Variants in CCDC93 observed in about 807,000 individuals in gnomAD.
The protein encoded by CCDC93 is CCC complex scaffolding subunit CCDC93, also known as coiled-coil domain-containing protein 93.
Under a neutral mutation model 108.2 loss-of-function variants are expected in CCDC93, and 61 were observed. The ratio of observed to expected loss-of-function variants is 0.56; its 90% CI spans 0.46 to 0.70. CCDC93 has a LOEUF of 0.70. CCDC93 is among the 30% of genes least tolerant of loss of function. The pLI, the probability that CCDC93 is intolerant of heterozygous loss-of-function variation, is 0.00. For missense variants in CCDC93, 685 were observed against 764.2 expected, an observed-to-expected ratio of 0.90 and a Z score of 1.22; for synonymous variants, 276 against 260.4, an observed-to-expected ratio of 1.06 and a Z score of -0.58.
chr2:117,958,863 C>T (rs561380579), intron 11 of CCDC93, among the ~76,000 whole-genome samples: 3 of 152,126 alleles, frequency 2.0e-5, no homozygotes, highest in South Asian at 4.1e-4. Flanking sequence ...TCACTGTGAT[C>T]GAAGTATTAT....
At chr2:117,961,582 T>A (rs1016881542) in intron 11 of CCDC93, among the ~76,000 whole-genome samples, 2 of 152,222 alleles carry the variant, frequency 1.3e-5, no homozygotes, top group Non-Finnish European at 2.9e-5. Context: ...ACACACTTTT[T>A]ATTAAGCAAT....
At chr2:117,992,125 T>C (rs1680492147) in intron 6 of CCDC93, among the ~76,000 whole-genome samples, 2 of 152,336 alleles carry the variant, frequency 1.3e-5, no homozygotes, top group East Asian at 1.9e-4. Flanking sequence ...GAAGATTCTT[T>C]ATCATTCCTG....
At chr2:117,952,492 T>C in intron 12 of CCDC93, 57 bp from the exon 13 acceptor site, 2 of 1,228,026 alleles carry the variant, frequency 1.6e-6, no homozygotes, top group Non-Finnish European at 2.4e-6. Flanking sequence ...ACAACACAGA[T>C]GTGAATTTCA....
At position 117,941,179 on chromosome 2, in the gene CCDC93, A is replaced by G. The variant is rs1422322731; in HGVS notation, c.1522+10T>C. ...AGCCTCAAGAGCTTGTCTGTGGTCAATGCACCTACTCTGGCGGTAGAGTTC... is the reference window on the plus strand; with the variant it reads ...AGCCTCAAGAGCTTGTCTGTGGTCAGTGCACCTACTCTGGCGGTAGAGTTC... On this transcript the variant is annotated intron_variant, in intron 19 of 23. Transcript: ENST00000376300. 2.5e-6 allele frequency: 4 copies of G among 1,589,508 alleles called. No individual in the cohort carries two copies. Among genetic ancestry groups the G allele is most frequent in the Admixed American group, 3.3e-5 (2 of 59,974 alleles).
At chr2:117,923,700 T>TG (rs1677971139) in intron 23 of CCDC93, among the ~76,000 whole-genome samples, 1 of 42 alleles carries the variant, frequency 0.024, no homozygotes, top group African/African-American at 0.062. Flanking sequence ...AGTCCACCTC[T>TG]GGGGGCAGGC....
At chr2:117,960,428 T>C (rs1473767114) in intron 11 of CCDC93, among the ~76,000 whole-genome samples, 1 of 152,236 alleles carries the variant, frequency 6.6e-6, no homozygotes. Context: ...CATTCAATTC[T>C]GTTCTGCAGC....
chr2:117,985,828 A>C (rs957325363), intron 7 of CCDC93, 141 bp downstream of exon 7: 2 of 577,452 alleles, frequency 3.5e-6, no homozygotes, highest in African/African-American at 3.8e-5. Flanking sequence ...TCATTACCAG[A>C]GAAAAGTCCC....
At chr2:117,939,167 C>T in intron 19 of CCDC93, 56 bp from the exon 20 acceptor site, 1 of 1,046,694 alleles carries the variant, frequency 9.6e-7, no homozygotes, top group Non-Finnish European at 1.5e-6. Flanking sequence ...AACACCCTAC[C>T]TGCCCCTCTC....
At chr2:117,935,762 G>A (rs891641296) in intron 21 of CCDC93, 183 bp from the exon 22 acceptor site, 9 of 422,712 alleles carry the variant, frequency 2.1e-5, no homozygotes, top group Non-Finnish European at 3.8e-5. Flanking sequence ...AAACCTCTGA[G>A]AAGGCATGGA....
chr2:117,972,364 A>G (rs1679793571), intron 11 of CCDC93, among the ~76,000 whole-genome samples: 1 of 152,230 alleles, frequency 6.6e-6, no homozygotes, highest in Non-Finnish European at 1.5e-5. Flanking sequence ...TCACTGGTCA[A>G]GAGTGAGGAA....
intron 16 of CCDC93, 91 bp downstream of exon 16, chr2:117,946,720 T>C (rs1298388450): frequency 1.8e-5 from 15 of 840,356 alleles, no homozygotes; most frequent in East Asian, 7.3e-5. Context: ...CAGGATAAGT[T>C]AGCAACAGCG....
intron 23 of CCDC93, among the ~76,000 whole-genome samples, chr2:117,925,765 G>C (rs1051170607): frequency 8.5e-5 from 13 of 152,176 alleles, no homozygotes; most frequent in Non-Finnish European, 1.6e-4. Flanking sequence ...GCACCAAGCA[G>C]ACCTAATAGA....
rs1453165813 is a variant in CCDC93 at position 117,918,364 on chromosome 2, C to A, written c.*1979G>T. ...CTATGGACACCTCTCTATACCAAAA[C>A]CAAACCAAATGAAACTCCTATGAAA... On this transcript the variant is annotated 3_prime_UTR_variant, in exon 24 of 24. Coordinates refer to ENST00000376300, the MANE Select transcript of CCDC93 (RefSeq NM_019044.5). The A allele has an allele frequency of 6.6e-6, 1 of 151,936 alleles. No individual in the cohort carries two copies. The highest frequency in any genetic ancestry group is 2.4e-5 in the African/African-American group (1 of 41,360). 9.4% of individuals were successfully genotyped at this position (151,936 alleles called of 1,614,324 possible).
At chr2:117,984,031 G>A (rs1185265853) in intron 7 of CCDC93, among the ~76,000 whole-genome samples, 2 of 152,052 alleles carry the variant, frequency 1.3e-5, no homozygotes, top group Non-Finnish European at 2.9e-5. Flanking sequence ...CCTCTTTATA[G>A]TTTATGACCT....
At chr2:117,922,906 C>T (rs1160685651) in intron 23 of CCDC93, among the ~76,000 whole-genome samples, 1 of 152,010 alleles carries the variant, frequency 6.6e-6, no homozygotes, top group African/African-American at 2.4e-5. Context: ...CTCCTCAACA[C>T]CTGTGGTGGC....
intron 4 of CCDC93, 67 bp from the exon 5 acceptor site, chr2:117,996,429 A>T: frequency 1.9e-6 from 2 of 1,058,652 alleles, no homozygotes; most frequent in Non-Finnish European, 2.9e-6. Flanking sequence ...AGGCCAGTTC[A>T]GACATGGCCC....
rs774950823 is a variant in CCDC93 at position 117,958,423 on chromosome 2, C to A, written c.947G>T (p.Arg316Leu). ...PEKLGTSQLH[R>L]RKVISLNKQI... ...TTTGTTCAAGGAAATGACTTTCCGGCGATGTAGCTGGGAGGTTCCTAATTT... is the reference window on the plus strand; with the variant it reads ...TTTGTTCAAGGAAATGACTTTCCGGAGATGTAGCTGGGAGGTTCCTAATTT... The change falls in exon 12 of 24, where the codon CGC becomes CTC. Residue 316 changes from arginine to leucine, a missense_variant. Physicochemically the swap from Arg to Leu is moderately radical, Grantham distance 102 (BLOSUM62 -2). Transcript: ENST00000376300. 6.2e-7 allele frequency: 1 copy of A among 1,613,778 alleles called. No individual in the cohort carries two copies. The highest frequency in any genetic ancestry group is 8.5e-7 in the Non-Finnish European group (1 of 1,179,730).
intron 4 of CCDC93, 141 bp downstream of exon 4, chr2:118,000,680 C>T: frequency 1.7e-6 from 1 of 595,448 alleles, no homozygotes; most frequent in Non-Finnish European, 3.0e-6. Flanking sequence ...ACAACGAACA[C>T]CACCATGTTC....
intron 13 of CCDC93, chr2:117,950,105 C>G: frequency 1.0e-6 from 1 of 985,420 alleles, no homozygotes; most frequent in Non-Finnish European, 1.2e-6. Context: ...ACCGGCTGAT[C>G]TCAGCAAACA....
Sources: allele counts gnomAD v4.1 joint callset (sites outside exome capture counted in the v4.1 genomes callset), GRCh38; gene constraint gnomAD v4.1.1; transcripts MANE v1.5; gene names NCBI Gene and HGNC (gene_info 2026-07-23, HGNC 2026-07-21).